The following TRMT44 variants were observed in gnomAD, a reference collection of about 807,000 sequenced individuals.
TRMT44 encodes probable tRNA (uracil-O(2)-)-methyltransferase.
In TRMT44, 78 loss-of-function variants were observed where a neutral mutation model predicts 77.3. The observed-to-expected ratio is 1.01, with a 90% confidence interval of 0.84 to 1.22. The LOEUF (loss-of-function observed/expected upper bound fraction) is 1.22, where lower values mean the gene tolerates loss of function less well. Among genes scored for constraint, TRMT44 ranks in the 50% most tolerant of loss-of-function variants. The pLI, the probability that TRMT44 is intolerant of heterozygous loss-of-function variation, is 0.00. For synonymous variants in TRMT44, 391 were observed against 383.3 expected (o/e 1.02, Z -0.23); for missense variants, 1,090 against 964.4 (o/e 1.13, Z -1.73).
intron 2 of TRMT44, among the ~76,000 whole-genome samples, chr4:8,488,356 G>T (rs1222474920): frequency 6.6e-6 from 1 of 152,214 alleles, no homozygotes; most frequent in Non-Finnish European, 1.5e-5. Context: ...GAGTCCAAAA[G>T]AGTCAGCGAA....
At chr4:8,513,183 A>C in the TRMT44 span, among the ~76,000 whole-genome samples, 1 of 152,230 alleles carries the variant, frequency 6.6e-6, no homozygotes, top group African/African-American at 2.4e-5. Context: ...CAATTTACAA[A>C]ACAAAGAGGT....
At chr4:8,504,736 G>T in the TRMT44 span, among the ~76,000 whole-genome samples, 1 of 152,106 alleles carries the variant, frequency 6.6e-6, no homozygotes, top group African/African-American at 2.4e-5. The surrounding 1 kb of genome is among the most constrained non-coding windows in gnomAD (Gnocchi z 5.3). Flanking sequence ...CCTTGCTCTT[G>T]CCCCTGTCAC....
At chr4:8,474,529 A>G (rs1009147375) in intron 10 of TRMT44, among the ~76,000 whole-genome samples, 4 of 152,214 alleles carry the variant, frequency 2.6e-5, no homozygotes, top group African/African-American at 9.6e-5. Flanking sequence ...CTCTAGTTTC[A>G]GGGGAAACTG....
downstream of TRMT44, chr4:8,478,215 G>C (rs1366629866): frequency 6.5e-6 from 1 of 152,826 alleles, no homozygotes; most frequent in Non-Finnish European, 1.5e-5. Context: ...GGTGGCCCTG[G>C]GGAAGATGAG....
the TRMT44 span, among the ~76,000 whole-genome samples, chr4:8,511,333 C>T: frequency 3.4e-4 from 52 of 152,292 alleles, no homozygotes; most frequent in African/African-American, 1.2e-3. Context: ...TTCCCTTCTC[C>T]GTGGTGGTCT....
chr4:8,492,055 A>G (rs1379922095), intron 2 of TRMT44, among the ~76,000 whole-genome samples: 1 of 152,236 alleles, frequency 6.6e-6, no homozygotes, highest in African/African-American at 2.4e-5. Context: ...TTCTTTGTGC[A>G]GTGGTCAGGA....
chr4:8,451,963 T>G lies in TRMT44; in HGVS notation c.958T>G (p.Trp320Gly), dbSNP rs888334446. 3.3e-6 allele frequency: 5 copies of G among 1,536,630 alleles called. No homozygotes were observed. Reference sequence around the variant, plus strand: ...TTTGCTCTTGAAACTGTTTTAGGTGTGGCCTGAAGTCACTGATCCTGAGAA... The same window carrying G: ...TTTGCTCTTGAAACTGTTTTAGGTGGGGCCTGAAGTCACTGATCCTGAGAA... ...KEKYKEMVKV[W>G]PEVTDPEKFV... The change falls in exon 4 of 11, where the codon TGG becomes GGG. Residue 320 changes from tryptophan (W) to glycine (G), a missense_variant. Transcript: ENST00000389737. This position sits in a 1 kb window ranked among gnomAD's most constrained non-coding sequence, Gnocchi z 4.1.
intron 2 of TRMT44, among the ~76,000 whole-genome samples, chr4:8,447,037 G>A (rs1227808825): frequency 1.3e-5 from 2 of 152,050 alleles, no homozygotes; most frequent in East Asian, 1.9e-4. Flanking sequence ...CACCACACCC[G>A]GCTAATTTTT....
intron 2 of TRMT44, among the ~76,000 whole-genome samples, chr4:8,492,521 A>T (rs1280392941): frequency 6.6e-6 from 1 of 152,182 alleles, no homozygotes; most frequent in East Asian, 1.9e-4. Flanking sequence ...AACTTAGTTT[A>T]CAGTGTGAAA....
At chr4:8,503,669 C>T in the TRMT44 span, among the ~76,000 whole-genome samples, 5 of 152,232 alleles carry the variant, frequency 3.3e-5, no homozygotes, top group South Asian at 4.1e-4. Flanking sequence ...CTGCCATCAA[C>T]GGGAGTCAGG....
the TRMT44 span, among the ~76,000 whole-genome samples, chr4:8,511,283 T>C: frequency 2.0e-5 from 3 of 152,172 alleles, no homozygotes; most frequent in East Asian, 5.8e-4. Context: ...CCTGAAAATG[T>C]TAAGAGCACT....
In TRMT44 at chr4:8,441,002, G is replaced by T. The variant is rs974469579; in HGVS notation, c.180G>T (p.Gly60=). 2.0e-5 allele frequency: 31 copies of T among 1,518,834 alleles called. No individual in the cohort carries two copies. The East Asian group carries it at 6.2e-4, about 30-fold the overall frequency. The allele number at this position is 1,518,834 out of a possible 1,614,324, so 94.1% of individuals were successfully genotyped here. A position where few individuals can be genotyped will look rare whatever the true frequency, so the allele number is the denominator to read the frequency against. The change falls in exon 1 of 11, where the codon GGG becomes GGT. Residue 60 remains glycine, a synonymous_variant. Coordinates refer to ENST00000389737, the MANE Select transcript of TRMT44 (RefSeq NM_152544.3). ...ALPCAEARGP[G]TSAGSEQKER... The stretch of plus-strand genomic sequence containing the variant: ...CCTGCGCGGAGGCCCGCGGCCCCGG[G>T]ACTAGCGCAGGCTCGGAGCAGAAGG...
intron 9 of TRMT44, among the ~76,000 whole-genome samples, chr4:8,470,171 C>G (rs1170635727): frequency 1.3e-5 from 2 of 152,248 alleles, no homozygotes; most frequent in Non-Finnish European, 2.9e-5. Flanking sequence ...AACACTCCCG[C>G]TCCTCTCAGA....
chr4:8,449,656 C>T lies in TRMT44; in HGVS notation c.735-13C>T, dbSNP rs1231121298. On this transcript the variant is annotated splice_polypyrimidine_tract_variant and intron_variant, in intron 2 of 10. Transcript: ENST00000389737. ...CATATCTGTGCTTATTCATATTTCT[C>T]TTATTTTTAAAGGTTCATATCTGTT... 1.3e-6 allele frequency: 2 copies of T among 1,516,902 alleles called. No homozygotes were observed. The highest frequency in any genetic ancestry group is 1.8e-6 in the Non-Finnish European group (2 of 1,130,608). 94.0% of individuals were successfully genotyped at this position (1,516,902 alleles called of 1,614,324 possible).
chr4:8,486,641 G>A (rs1186965327), intron 2 of TRMT44, among the ~76,000 whole-genome samples: 1 of 151,980 alleles, frequency 6.6e-6, no homozygotes, highest in African/African-American at 2.4e-5. Context: ...CCGTGAACTG[G>A]GCTGGGTTTT....
chr4:8,485,687 G>A (rs1727780589), intron 2 of TRMT44, among the ~76,000 whole-genome samples: 1 of 152,180 alleles, frequency 6.6e-6, no homozygotes, highest in African/African-American at 2.4e-5. Flanking sequence ...GGGCGGCAAT[G>A]AGATGTGGCT....
At chr4:8,483,662 T>C (rs1727706640) in intron 2 of TRMT44, among the ~76,000 whole-genome samples, 1 of 152,124 alleles carries the variant, frequency 6.6e-6, no homozygotes, top group Non-Finnish European at 1.5e-5. Flanking sequence ...CTGAGAACTG[T>C]AAGGGATATA....
downstream of TRMT44, among the ~76,000 whole-genome samples, chr4:8,494,864 G>C (rs73223266): frequency 0.023 from 3,437 of 152,222 alleles, 72 homozygotes; most frequent in African/African-American, 0.053. Flanking sequence ...CAGGTTGCCT[G>C]ATGCAGTTCC....
intron 3 of TRMT44, among the ~76,000 whole-genome samples, chr4:8,450,170 G>A (rs1725349157): frequency 6.6e-6 from 1 of 151,752 alleles, no homozygotes; most frequent in Admixed American, 6.6e-5. Flanking sequence ...GTTTCACCAT[G>A]TTGCCCAGAC....
Sources: allele counts gnomAD v4.1 joint callset (sites outside exome capture counted in the v4.1 genomes callset), GRCh38; gene constraint gnomAD v4.1.1; non-coding constraint Gnocchi (gnomAD v3.1); transcripts MANE v1.5; gene names NCBI Gene and HGNC (gene_info 2026-07-23, HGNC 2026-07-21).